C10orf90: variants seen among roughly 807,000 people sequenced by gnomAD.
The protein encoded by C10orf90 is (E2-independent) E3 ubiquitin-conjugating enzyme FATS.
C10orf90 carries 56 observed loss-of-function variants against 62.5 expected under a neutral mutation model. The ratio of observed to expected loss-of-function variants is 0.90; its 90% CI spans 0.72 to 1.12. The LOEUF is 1.12. Among genes scored for constraint, C10orf90 ranks in the 50% most tolerant of loss-of-function variants. The pLI is 0.00. For missense variants in C10orf90, 970 were observed against 880.4 expected, an observed-to-expected ratio of 1.10 and a Z score of -1.29; for synonymous variants, 386 against 340.4, an observed-to-expected ratio of 1.13 and a Z score of -1.47.
At chr10:126,447,466 A>G (rs1364635391) in intron 7 of C10orf90, among the ~76,000 whole-genome samples, 1 of 152,196 alleles carries the variant, frequency 6.6e-6, no homozygotes, top group East Asian at 1.9e-4. Context: ...AAAGGGGTCA[A>G]TTCATCAAGT....
At chr10:126,566,736 T>C (rs1844399136) in intron 2 of C10orf90, among the ~76,000 whole-genome samples, 2 of 152,066 alleles carry the variant, frequency 1.3e-5, no homozygotes. Context: ...GCTGACCTTT[T>C]AGGAAAAGCA....
At position 126,535,386 on chromosome 10, in the gene C10orf90, G is replaced by A. The variant is rs917506866; in HGVS notation, c.314-21447C>T. On this transcript the variant is annotated intron_variant, in intron 2 of 9. Transcript: ENST00000488181. ...CAAAAAATTAGCTGGGTGTGGTGGC[G>A]GGTGCCTGTAGTCCCAGCTACGTGG... is the stretch of plus-strand genomic sequence containing the variant. Among the ~76,000 whole-genome samples the A allele has an allele frequency of 7.9e-5, 12 of 151,852 alleles. No homozygotes were observed. In the South Asian group the frequency reaches 8.3e-4, roughly 11 times the overall value.
intron 2 of C10orf90, among the ~76,000 whole-genome samples, chr10:126,628,844 A>T (rs1008813636): frequency 6.6e-6 from 1 of 152,122 alleles, no homozygotes; most frequent in Non-Finnish European, 1.5e-5. Flanking sequence ...CAGGAGTGCA[A>T]CTGGTGATCC....
intron 3 of C10orf90, among the ~76,000 whole-genome samples, chr10:126,506,046 T>C (rs1862713212): frequency 6.6e-6 from 1 of 152,214 alleles, no homozygotes; most frequent in African/African-American, 2.4e-5. Context: ...ATGATTTCAC[T>C]TATCAGAATT....
At chr10:126,468,575 T>A (rs1283752190) in intron 4 of C10orf90, among the ~76,000 whole-genome samples, 1 of 152,164 alleles carries the variant, frequency 6.6e-6, no homozygotes, top group Non-Finnish European at 1.5e-5. Context: ...TGTCCGGGCA[T>A]GCTGGCAGGC....
At chr10:126,474,776 A>G (rs913047464) in intron 4 of C10orf90, among the ~76,000 whole-genome samples, 1 of 152,252 alleles carries the variant, frequency 6.6e-6, no homozygotes, top group African/African-American at 2.4e-5. Flanking sequence ...GCAACGCCTG[A>G]CAAAGCCACA....
chr10:126,478,890 A>C lies in C10orf90; in HGVS notation c.1535-13904T>G, dbSNP rs371541977. ...GGAGGAGATCTGAGATGCTCAGTGA[A>C]CTTTAAATGCAAAACAGGAATGAAG... On this transcript the variant is annotated intron_variant, in intron 4 of 9. Coordinates refer to ENST00000488181, the MANE Select transcript of C10orf90 (RefSeq NM_001350921.2). Among the ~76,000 whole-genome samples the C allele has an allele frequency of 4.4e-4, 67 of 152,218 alleles. 1 individual carries two copies. Among genetic ancestry groups the C allele is most frequent in the African/African-American group, 1.6e-3 (66 of 41,526 alleles).
chr10:126,463,017 C>T (rs1298170750), intron 5 of C10orf90, among the ~76,000 whole-genome samples: 1 of 151,374 alleles, frequency 6.6e-6, no homozygotes, highest in Non-Finnish European at 1.5e-5. Flanking sequence ...CTCTGCCCCA[C>T]CCACCCCCCG....
At chr10:126,465,215 T>G (rs1156424723) in intron 4 of C10orf90, among the ~76,000 whole-genome samples, 1 of 152,158 alleles carries the variant, frequency 6.6e-6, no homozygotes, top group East Asian at 1.9e-4. Flanking sequence ...CAGTGAGCAA[T>G]AGAGTGAGTT....
intron 7 of C10orf90, among the ~76,000 whole-genome samples, chr10:126,454,211 G>A (rs1859386020): frequency 6.6e-6 from 1 of 151,928 alleles, no homozygotes; most frequent in African/African-American, 2.4e-5. Flanking sequence ...CTACTTGCAG[G>A]GGATATACCC....
At chr10:126,619,101 C>A (rs757537403) in intron 2 of C10orf90, among the ~76,000 whole-genome samples, 1 of 152,120 alleles carries the variant, frequency 6.6e-6, no homozygotes, top group South Asian at 2.1e-4. Flanking sequence ...TACTTCTTTG[C>A]GCTGGTTTTC....
intron 2 of C10orf90, among the ~76,000 whole-genome samples, chr10:126,599,352 AT>A (rs1177208480): frequency 6.7e-6 from 1 of 149,928 alleles, no homozygotes; most frequent in South Asian, 2.1e-4. Context: ...CGCCCGGCTA[AT>A]TTTTTGTATT....
At chr10:126,469,186 A>G (rs1159478470) in intron 4 of C10orf90, among the ~76,000 whole-genome samples, 4 of 152,236 alleles carry the variant, frequency 2.6e-5, no homozygotes, top group Non-Finnish European at 5.9e-5. Context: ...GGGAATTTTA[A>G]TAGCCAAGGT....
At chr10:126,621,978 C>T (rs1187687858) in intron 2 of C10orf90, among the ~76,000 whole-genome samples, 1 of 152,012 alleles carries the variant, frequency 6.6e-6, no homozygotes, top group Non-Finnish European at 1.5e-5. Context: ...AACTGGCTTA[C>T]CCCGTACCTT....
chr10:126,510,315 G>A lies in C10orf90; in HGVS notation c.405+3533C>T, dbSNP rs574422595. On this transcript the variant is annotated intron_variant, in intron 3 of 9. Transcript: ENST00000488181. ...AACCAAGAAGGGGATGAGATGGGGG[G>A]TTATTCAATGTTCCTAAGTCAGCCG... is the stretch of plus-strand genomic sequence containing the variant. 2.2e-3 allele frequency among the ~76,000 whole-genome samples: 342 copies of A among 152,254 alleles called. 4 individuals are homozygous for A. Among genetic ancestry groups the A allele is most frequent in the African/African-American group, 8.0e-3 (331 of 41,548 alleles).
In C10orf90 at chr10:126,661,129, C is replaced by T. The variant is rs188164389; in HGVS notation, c.240+9112G>A. On this transcript the variant is annotated intron_variant, in intron 1 of 9. Coordinates refer to ENST00000488181, the MANE Select transcript of C10orf90 (RefSeq NM_001350921.2). ...GTGTTGGGCTTCTTGATATCATCCT[C>T]CAGGTCACAGGAGCAGCATCCATAA... Among the ~76,000 whole-genome samples, 458 of 152,306 alleles carry T rather than the reference C, an allele frequency of 3.0e-3. 3 individuals carry two copies. The highest frequency in any genetic ancestry group is 0.01 in the African/African-American group (435 of 41,556).
At chr10:126,573,612 C>T (rs1190681595) in intron 2 of C10orf90, among the ~76,000 whole-genome samples, 3 of 152,168 alleles carry the variant, frequency 2.0e-5, no homozygotes, top group Non-Finnish European at 4.4e-5. Flanking sequence ...GGGCCTTCCA[C>T]AGCCCCCACA....
rs1371390514 is a variant in C10orf90, at chr10:126,650,569, C to A, written c.241-3932G>T. 3.3e-5 allele frequency among the ~76,000 whole-genome samples: 5 copies of A among 152,040 alleles called. No individual in the cohort carries two copies. In the East Asian group the frequency reaches 9.6e-4, roughly 29 times the overall value. ...CCCCCCTAGTAATTTAGTAAAGGAC[C>A]CCACATTGGAACCCATGCTATTAGA... On this transcript the variant is annotated intron_variant, in intron 1 of 9. Transcript: ENST00000488181.
At position 126,426,083 on chromosome 10, in the gene C10orf90, C is replaced by T. The variant is rs751810351; in HGVS notation, c.2260G>A (p.Asp754Asn). ...TTCTTTTTAACTTCCGGCAAGTTAT[C>T]ATAGATTCTGAAACAGATTCGGAAA... Reference protein sequence around the residue: ...EMHMRSKRIYDNLPEVKKKKE... With the variant: ...EMHMRSKRIYNNLPEVKKKKE... The change falls in exon 9 of 10, where the codon GAT (aspartate) becomes AAT (asparagine). Residue 754 changes from aspartate to asparagine, a missense_variant. By Grantham distance (23) the Asp-to-Asn change is conservative. Transcript: ENST00000488181. 1.4e-5 allele frequency: 22 copies of T among 1,613,040 alleles called. 1 individual carries two copies. In the Admixed American group the frequency reaches 3.7e-4, roughly 27 times the overall value.
Sources: allele counts gnomAD v4.1 joint callset (sites outside exome capture counted in the v4.1 genomes callset), GRCh38; gene constraint gnomAD v4.1.1; transcripts MANE v1.5; gene names NCBI Gene and HGNC (gene_info 2026-07-23, HGNC 2026-07-21).